SAMD3: variants seen among roughly 807,000 people sequenced by gnomAD.
SAMD3 encodes sterile alpha motif domain containing 3, also known as sterile alpha motif domain-containing protein 3.
Under a neutral mutation model 58.5 loss-of-function variants are expected in SAMD3, and 63 were observed. The ratio of observed to expected loss-of-function variants is 1.08; its 90% CI spans 0.88 to 1.33. The LOEUF is 1.33. Ranked by LOEUF, SAMD3 falls within the 40% of genes most tolerant of loss-of-function variation. The pLI is 0.00. For missense variants in SAMD3, 604 were observed against 608.4 expected (o/e 0.99, Z 0.08); for synonymous variants, 220 against 210.3 (o/e 1.05, Z -0.40).
chr6:130,310,141 G>A (rs1026877706), intron 2 of SAMD3, among the ~76,000 whole-genome samples: 1 of 152,138 alleles, frequency 6.6e-6, no homozygotes, highest in Non-Finnish European at 1.5e-5. Context: ...TATTCTCCCA[G>A]AATTTTCTGG....
At chr6:130,292,600 TTTTG>T (rs139764816) in intron 2 of SAMD3, among the ~76,000 whole-genome samples, 16,387 of 136,642 alleles carry the variant, frequency 0.12, 1,002 homozygotes, top group Middle Eastern at 0.16. Context: ...AACAACTCTT[TTTTG>T]TTTGTTTGTT....
intron 9 of SAMD3, among the ~76,000 whole-genome samples, chr6:130,151,075 G>C (rs574005557): frequency 6.6e-6 from 1 of 152,084 alleles, no homozygotes; most frequent in Non-Finnish European, 1.5e-5. Context: ...CAGGGGATCC[G>C]TGTGTAGACT....
chr6:130,316,801 T>G (rs1014763109), intron 1 of SAMD3, among the ~76,000 whole-genome samples: 1 of 152,242 alleles, frequency 6.6e-6, no homozygotes, highest in East Asian at 1.9e-4. Context: ...GAGCTTCACA[T>G]GAGTTCATTT....
At chr6:130,202,999 C>G (rs754238665) in intron 5 of SAMD3, among the ~76,000 whole-genome samples, 24 of 152,138 alleles carry the variant, frequency 1.6e-4, no homozygotes, top group Non-Finnish European at 3.1e-4. Flanking sequence ...GTTCACACAC[C>G]TTGTTTCTGT....
intron 1 of SAMD3, among the ~76,000 whole-genome samples, chr6:130,333,041 A>ATGTGTGTGTGTG (rs1776985027): frequency 9.6e-6 from 1 of 104,154 alleles, no homozygotes; most frequent in Admixed American, 1.0e-4. Context: ...ACAGTTGAGT[A>ATGTGTGTGTGTG]TGCGTGTGTG....
intron 5 of SAMD3, among the ~76,000 whole-genome samples, chr6:130,204,995 T>C (rs1794959124): frequency 6.6e-6 from 1 of 151,934 alleles, no homozygotes. Context: ...GGAGTCAGGA[T>C]TTGAACCCAA....
chr6:130,147,274 A>G (rs1284441310), intron 9 of SAMD3, among the ~76,000 whole-genome samples: 1 of 152,226 alleles, frequency 6.6e-6, no homozygotes, highest in Non-Finnish European at 1.5e-5. Flanking sequence ...TTGGTAGATC[A>G]TAAATTGCCT....
At chr6:130,309,353 A>G (rs1776061574) in intron 2 of SAMD3, among the ~76,000 whole-genome samples, 1 of 152,228 alleles carries the variant, frequency 6.6e-6, no homozygotes, top group South Asian at 2.1e-4. Flanking sequence ...TAAAATGGGT[A>G]TAATAATATC....
chr6:130,165,964 C>T (rs768390602), intron 8 of SAMD3, among the ~76,000 whole-genome samples: 7 of 152,106 alleles, frequency 4.6e-5, no homozygotes, highest in Non-Finnish European at 7.3e-5. Context: ...CCAGATACGA[C>T]CTCCTTCATC....
chr6:130,266,380 G>A (rs1023171336), intron 2 of SAMD3, among the ~76,000 whole-genome samples: 1 of 152,082 alleles, frequency 6.6e-6, no homozygotes, highest in African/African-American at 2.4e-5. Flanking sequence ...TATAAACCCA[G>A]TTCCTGATGA....
chr6:130,289,584 C>T (rs573741669), intron 2 of SAMD3, among the ~76,000 whole-genome samples: 2 of 152,318 alleles, frequency 1.3e-5, no homozygotes, highest in South Asian at 4.1e-4. Flanking sequence ...ACTGCAACCT[C>T]CACCTCCCAG....
chr6:130,312,032 G>A (rs139346548), intron 2 of SAMD3, among the ~76,000 whole-genome samples: 58 of 152,298 alleles, frequency 3.8e-4, no homozygotes, highest in Non-Finnish European at 7.6e-4. Context: ...ATAGCAAAGA[G>A]GGGAGAAACA....
intron 2 of SAMD3, among the ~76,000 whole-genome samples, chr6:130,293,171 T>C (rs914728299): frequency 3.9e-5 from 6 of 152,326 alleles, no homozygotes; most frequent in African/African-American, 1.4e-4. Context: ...TTTGGTTTTA[T>C]ATTACGGACC....
intron 8 of SAMD3, among the ~76,000 whole-genome samples, chr6:130,172,936 A>G (rs2114658033): frequency 6.6e-6 from 1 of 152,034 alleles, no homozygotes; most frequent in East Asian, 1.9e-4. Flanking sequence ...TCTTTTCTTC[A>G]TGCCTTATTT....
rs267600804 is a variant in SAMD3 at position 130,215,258 on chromosome 6, C to T, written c.16G>A (p.Val6Ile). The change falls in exon 3 of 12, where the codon GTT (valine) becomes ATT (isoleucine). Residue 6 changes from valine to isoleucine, a missense_variant. Transcript: ENST00000439090. METWS[V>I]EQVCSWLVEK... The stretch of plus-strand genomic sequence containing the variant: ...ACCAACCAACTGCAGACCTGCTCAA[C>T]TGACCAGGTTTCCATTGCTGTCTCC... The T allele has an allele frequency of 1.2e-6, 2 of 1,609,608 alleles. No individual in the cohort carries two copies. The highest frequency in any genetic ancestry group is 1.3e-5 in the African/African-American group (1 of 74,902).
chr6:130,280,094 C>G (rs193161521), intron 2 of SAMD3, among the ~76,000 whole-genome samples: 10 of 152,258 alleles, frequency 6.6e-5, no homozygotes, highest in Admixed American at 5.2e-4. Flanking sequence ...TTTCTTATCA[C>G]CAAACTCAAA....
intron 1 of SAMD3, among the ~76,000 whole-genome samples, chr6:130,220,544 T>C (rs75623854): frequency 0.028 from 4,202 of 152,308 alleles, 72 homozygotes; most frequent in Non-Finnish European, 0.038. Flanking sequence ...TGAACTGTGC[T>C]ATTGAATTTT....
intron 1 of SAMD3, among the ~76,000 whole-genome samples, chr6:130,361,349 G>A (rs1777983924): frequency 1.3e-5 from 2 of 152,120 alleles, no homozygotes; most frequent in Admixed American, 6.5e-5. Flanking sequence ...CTCCGTTTGG[G>A]GGTCCCTGAC....
chr6:130,169,520 C>T (rs777520160), intron 8 of SAMD3, among the ~76,000 whole-genome samples: 4 of 152,150 alleles, frequency 2.6e-5, no homozygotes, highest in African/African-American at 4.8e-5. Context: ...ACCACCCTAT[C>T]GTCTCTTTTT....
Sources: allele counts gnomAD v4.1 joint callset (sites outside exome capture counted in the v4.1 genomes callset), GRCh38; gene constraint gnomAD v4.1.1; transcripts MANE v1.5; gene names NCBI Gene and HGNC (gene_info 2026-07-23, HGNC 2026-07-21).